Variants in SSH2 observed in about 807,000 individuals in gnomAD.
SSH2 encodes the protein slingshot protein phosphatase 2.
SSH2 carries 37 observed loss-of-function variants against 135.2 expected under a neutral mutation model. That is an observed-to-expected ratio of 0.27 (90% CI 0.21 to 0.36). SSH2 has a LOEUF of 0.36. Among genes scored for constraint, SSH2 ranks in the 10% least tolerant of loss-of-function variants. The pLI is 1.00. For missense variants in SSH2, 1,408 were observed against 1,765.3 expected, an observed-to-expected ratio of 0.80 and a Z score of 3.63; for synonymous variants, 628 against 646.2, an observed-to-expected ratio of 0.97 and a Z score of 0.43.
intron 6 of SSH2, 73 bp downstream of exon 6, chr17:29,684,483 TAAAAAAA>T (rs11307211): frequency 1.6e-5 from 15 of 955,910 alleles, no homozygotes; most frequent in South Asian, 3.6e-5. Flanking sequence ...CCGTCCCCAT[TAAAAAAA>T]AAAAAAAAAA....
At chr17:29,927,487 C>T (rs1314358476) in intron 1 of SSH2, among the ~76,000 whole-genome samples, 2 of 152,116 alleles carry the variant, frequency 1.3e-5, no homozygotes, top group Non-Finnish European at 1.5e-5. Context: ...GTATTAACAG[C>T]GTACTTAAAG....
intron 6 of SSH2, among the ~76,000 whole-genome samples, chr17:29,683,660 C>CTCA (rs928761285): frequency 6.6e-6 from 1 of 151,880 alleles, no homozygotes; most frequent in Non-Finnish European, 1.5e-5. Flanking sequence ...AGGTGCAAGG[C>CTCA]TCATGCCTGT....
intron 2 of SSH2, among the ~76,000 whole-genome samples, chr17:29,809,188 A>C (rs2042399906): frequency 6.6e-6 from 1 of 152,206 alleles, no homozygotes; most frequent in Admixed American, 6.5e-5. Flanking sequence ...CAGGAAGCGG[A>C]GGTTGCAGTC....
intron 1 of SSH2, among the ~76,000 whole-genome samples, chr17:29,889,826 A>C (rs1035865480): frequency 1.3e-5 from 2 of 150,218 alleles, no homozygotes; most frequent in Non-Finnish European, 3.0e-5. Flanking sequence ...AAAAAAAAAA[A>C]AACCAGCCAG....
chr17:29,731,781 C>T lies in SSH2; in HGVS notation c.189-28719G>A, dbSNP rs2040208933. Among the ~76,000 whole-genome samples the T allele has an allele frequency of 2.0e-5, 3 of 152,238 alleles. No homozygotes were observed. The South Asian group carries it at 6.2e-4, about 32-fold the overall frequency. On this transcript the variant is annotated intron_variant, in intron 3 of 15. Coordinates refer to ENST00000540801, the MANE Select transcript of SSH2 (RefSeq NM_001282129.2). Reference sequence around the variant, plus strand: ...CCTCTAAAGGTTATGTCACAATGGGCTGGGCTTCTCTGCAAATGTGACTGT... The same window carrying T: ...CCTCTAAAGGTTATGTCACAATGGGTTGGGCTTCTCTGCAAATGTGACTGT...
chr17:29,881,754 C>T (rs2066142162), intron 1 of SSH2, among the ~76,000 whole-genome samples: 1 of 152,170 alleles, frequency 6.6e-6, no homozygotes, highest in African/African-American at 2.4e-5. Flanking sequence ...CCCACCTCGG[C>T]CTCCCAAAGT....
chr17:29,898,962 A>G (rs2151456060), intron 1 of SSH2, among the ~76,000 whole-genome samples: 1 of 152,352 alleles, frequency 6.6e-6, no homozygotes, highest in East Asian at 1.9e-4. Flanking sequence ...CTGGGATGCA[A>G]GACTGGTTCA....
At chr17:29,731,537 C>T (rs1401008554) in intron 3 of SSH2, among the ~76,000 whole-genome samples, 1 of 151,900 alleles carries the variant, frequency 6.6e-6, no homozygotes, top group Non-Finnish European at 1.5e-5. Context: ...CTCACTACAA[C>T]CTCCGCCTCC....
chr17:29,758,146 CT>C (rs1230296159), intron 3 of SSH2, among the ~76,000 whole-genome samples: 1 of 152,150 alleles, frequency 6.6e-6, no homozygotes, highest in Non-Finnish European at 1.5e-5. Context: ...AAAAGTTTGT[CT>C]TAGTAGGAAA....
chr17:29,781,758 AT>A (rs1300941003), intron 3 of SSH2, among the ~76,000 whole-genome samples: 6 of 151,702 alleles, frequency 4.0e-5, no homozygotes, highest in Non-Finnish European at 8.8e-5. Context: ...GATTACAGGT[AT>A]AAGCCACGGT....
At chr17:29,635,461 G>A (rs1335197433) in intron 15 of SSH2, among the ~76,000 whole-genome samples, 4 of 151,876 alleles carry the variant, frequency 2.6e-5, no homozygotes, top group Non-Finnish European at 5.9e-5. Context: ...CTGGAGTGCA[G>A]TGGCACAATC....
chr17:29,645,747 CA>C (rs1264022699), intron 14 of SSH2: 5 of 152,206 alleles, frequency 3.3e-5, no homozygotes, highest in African/African-American at 1.2e-4. Flanking sequence ...CAAAGACCTA[CA>C]AATTATTTTA....
intron 1 of SSH2, among the ~76,000 whole-genome samples, chr17:29,885,348 T>TAAAAAAAAAAAA (rs72403205): frequency 2.4e-5 from 3 of 127,114 alleles, no homozygotes; most frequent in African/African-American, 3.0e-5. Context: ...TATTGTATCA[T>TAAAAAAAAAAAA]AAAAAAAAAA....
intron 2 of SSH2, among the ~76,000 whole-genome samples, chr17:29,798,871 C>T (rs924802846): frequency 1.3e-5 from 2 of 152,142 alleles, no homozygotes; most frequent in African/African-American, 4.8e-5. Context: ...TCTACCTTTT[C>T]TGCCTTCTTT....
intron 3 of SSH2, among the ~76,000 whole-genome samples, chr17:29,737,266 T>C (rs1030927847): frequency 3.9e-5 from 6 of 152,116 alleles, no homozygotes; most frequent in African/African-American, 1.4e-4. Context: ...ACACTTCCGT[T>C]TGTGGTTCAA....
At chr17:29,705,381 T>C (rs900388162) in intron 3 of SSH2, among the ~76,000 whole-genome samples, 1 of 152,144 alleles carries the variant, frequency 6.6e-6, no homozygotes, top group Non-Finnish European at 1.5e-5. Context: ...GAGCTTTAAT[T>C]TGTGGCAAAT....
chr17:29,927,541 T>C (rs2067089144), intron 1 of SSH2, among the ~76,000 whole-genome samples: 1 of 152,206 alleles, frequency 6.6e-6, no homozygotes. Context: ...CAAAATTAAA[T>C]CTCTTCTTTC....
chr17:29,883,176 T>C (rs532568282), intron 1 of SSH2: 1 of 152,282 alleles, frequency 6.6e-6, no homozygotes, highest in Non-Finnish European at 1.5e-5. Context: ...CAAGTTGAAT[T>C]CTGGTATGGT....
chr17:29,710,066 G>A (rs945976119), intron 3 of SSH2, among the ~76,000 whole-genome samples: 8 of 152,186 alleles, frequency 5.3e-5, no homozygotes, highest in African/African-American at 1.9e-4. Context: ...ACTGTTCTGA[G>A]GTTGAAATAA....
Sources: allele counts gnomAD v4.1 joint callset (sites outside exome capture counted in the v4.1 genomes callset), GRCh38; gene constraint gnomAD v4.1.1; transcripts MANE v1.5; gene names NCBI Gene and HGNC (gene_info 2026-07-23, HGNC 2026-07-21).